Variants in GNS observed in about 807,000 individuals in gnomAD.
GNS encodes the protein glucosamine (N-acetyl)-6-sulfatase, also known as N-acetylglucosamine-6-sulfatase.
A neutral mutation model predicts 69.7 loss-of-function variants in GNS; 40 were observed. That is an observed-to-expected ratio of 0.57 (90% CI 0.45 to 0.75). The LOEUF (loss-of-function observed/expected upper bound fraction) is 0.75. Among genes scored for constraint, GNS ranks in the 30% least tolerant of loss-of-function variants. The pLI, the probability that GNS is intolerant of heterozygous loss-of-function variation, is 0.00. For synonymous variants in GNS, 243 were observed against 251.6 expected (o/e 0.97, Z 0.32); for missense variants, 565 against 685.5 (o/e 0.82, Z 1.96).
chr12:64,738,134 C>T (rs578041476), intron 8 of GNS, among the ~76,000 whole-genome samples: 10 of 152,192 alleles, frequency 6.6e-5, no homozygotes, highest in Admixed American at 1.3e-4. Flanking sequence ...CTCAGCCTCC[C>T]GAGTAGCTGA....
Position 64,734,663 on chromosome 12 carries a change from G to A in GNS, c.1098+2341C>T, listed in dbSNP as rs1442397582. On this transcript the variant is annotated intron_variant, in intron 9 of 13. Coordinates refer to ENST00000258145, the MANE Select transcript of GNS (RefSeq NM_002076.4). Reference sequence around the variant, plus strand: ...CTACATCTGGGCCTTCGCATTTACCGTCCTGCTCAGGACACTCTTCCCACA... The same window carrying A: ...CTACATCTGGGCCTTCGCATTTACCATCCTGCTCAGGACACTCTTCCCACA... Among the ~76,000 whole-genome samples, 6 of 152,234 alleles carry A rather than the reference G, an allele frequency of 3.9e-5. No individual in the cohort carries two copies. In the East Asian group the frequency reaches 5.8e-4, roughly 15 times the overall value.
chr12:64,752,624 T>A (rs574241891), intron 2 of GNS, 74 bp downstream of exon 2: 2 of 797,546 alleles, frequency 2.5e-6, no homozygotes, highest in East Asian at 4.9e-5. Context: ...CATACCAGAT[T>A]CCCGAGAAGA....
rs539378586 is a variant in GNS, at chr12:64,754,766, G to A, written c.193-2009C>T. On this transcript the variant is annotated intron_variant, in intron 1 of 13. Coordinates refer to ENST00000258145, the MANE Select transcript of GNS (RefSeq NM_002076.4). Reference sequence around the variant, plus strand: ...TAGCTGGGCATGGTAGTGCATGCCCGTAGTCCCAGCTACTTAAGAGGCTGA... The same window carrying A: ...TAGCTGGGCATGGTAGTGCATGCCCATAGTCCCAGCTACTTAAGAGGCTGA... Among the ~76,000 whole-genome samples, 11 of 152,094 alleles carry A rather than the reference G, an allele frequency of 7.2e-5. No individual in the cohort carries two copies. The South Asian group carries it at 1.9e-3, about 26-fold the overall frequency.
At chr12:64,745,983 A>G (rs1254783012) in intron 3 of GNS, 1 of 527,238 alleles carries the variant, frequency 1.9e-6, no homozygotes, top group African/African-American at 1.9e-5. Context: ...TAACAATTTT[A>G]AAATATAAAA....
intron 1 of GNS, among the ~76,000 whole-genome samples, chr12:64,755,519 A>G (rs1366294605): frequency 6.7e-6 from 1 of 148,820 alleles, no homozygotes; most frequent in East Asian, 2.1e-4. Context: ...AGGAGGTTGC[A>G]GTGGGCCGAG....
chr12:64,714,883 T>TA lies in GNS; in HGVS notation c.*1857dup, dbSNP rs1868814266. ...ACAACATTTTTTGAATTTCCTTCTC[T>TA]AAAACATTCACAGCAGAGGTGTCCA... is the stretch of plus-strand genomic sequence containing the variant. On this transcript the variant is annotated 3_prime_UTR_variant, in exon 14 of 14. Coordinates refer to ENST00000258145, the MANE Select transcript of GNS (RefSeq NM_002076.4). 1.3e-5 allele frequency: 2 copies of TA among 152,648 alleles called. No homozygotes were observed. Among genetic ancestry groups the TA allele is most frequent in the South Asian group, 4.1e-4 (2 of 4,828 alleles). 9.5% of individuals were successfully genotyped at this position (152,648 alleles called of 1,614,324 possible).
intron 1 of GNS, among the ~76,000 whole-genome samples, chr12:64,753,918 G>C (rs1474829585): frequency 1.3e-5 from 2 of 152,176 alleles, no homozygotes; most frequent in African/African-American, 4.8e-5. Flanking sequence ...CCATCCTCAG[G>C]AAAAGAATAC....
intron 10 of GNS, 103 bp from the exon 11 acceptor site, chr12:64,723,216 G>A: frequency 1.3e-6 from 1 of 753,294 alleles, no homozygotes; most frequent in African/African-American, 1.7e-5. Flanking sequence ...AAAGTAATTG[G>A]ACTGTTCATT....
intron 12 of GNS, among the ~76,000 whole-genome samples, chr12:64,720,835 T>C (rs1234654699): frequency 2.6e-5 from 4 of 152,240 alleles, no homozygotes; most frequent in Non-Finnish European, 5.9e-5. Flanking sequence ...TAATTTTGCC[T>C]ATAATGGCTT....
intron 10 of GNS, among the ~76,000 whole-genome samples, chr12:64,727,771 T>C (rs1331517272): frequency 6.6e-6 from 1 of 152,170 alleles, no homozygotes; most frequent in Non-Finnish European, 1.5e-5. Flanking sequence ...ATTTAATCAA[T>C]TCTCTACTAG....
At chr12:64,729,266 G>C (rs1179151489) in intron 9 of GNS, 6 of 556,630 alleles carry the variant, frequency 1.1e-5, no homozygotes, top group Non-Finnish European at 1.9e-5. Context: ...TTGTATAATA[G>C]TATATCCCCC....
intron 1 of GNS, among the ~76,000 whole-genome samples, chr12:64,755,152 T>C (rs999525199): frequency 6.6e-6 from 1 of 152,162 alleles, no homozygotes; most frequent in Non-Finnish European, 1.5e-5. Flanking sequence ...GCAAACATGT[T>C]ACTCTACTCA....
At chr12:64,758,201 C>A (rs551193090) in intron 1 of GNS, among the ~76,000 whole-genome samples, 1 of 151,516 alleles carries the variant, frequency 6.6e-6, no homozygotes, top group South Asian at 2.1e-4. Context: ...GTCTCTAATG[C>A]AACAGTCAGG....
chr12:64,749,219 G>A (rs1304281707), intron 2 of GNS, among the ~76,000 whole-genome samples: 5 of 146,292 alleles, frequency 3.4e-5, no homozygotes, highest in African/African-American at 1.0e-4. Context: ...GATTACAGGC[G>A]TGAGCCACTG....
At chr12:64,745,596 A>AT in intron 4 of GNS, 63 bp downstream of exon 4, 1 of 933,940 alleles carries the variant, frequency 1.1e-6, no homozygotes, top group Non-Finnish European at 1.8e-6. Context: ...TCAGAGCTAA[A>AT]TTAAACATAT....
At chr12:64,756,392 C>T (rs1051140088) in intron 1 of GNS, among the ~76,000 whole-genome samples, 12 of 152,100 alleles carry the variant, frequency 7.9e-5, no homozygotes, top group Non-Finnish European at 1.6e-4. Flanking sequence ...CTGGCATCCC[C>T]GAATGTCACC....
intron 9 of GNS, among the ~76,000 whole-genome samples, chr12:64,730,539 G>C (rs988028843): frequency 6.6e-6 from 1 of 151,108 alleles, no homozygotes; most frequent in African/African-American, 2.4e-5. Context: ...TCCTGGCCCT[G>C]AATCAATTAG....
intron 2 of GNS, among the ~76,000 whole-genome samples, chr12:64,752,033 C>T (rs1870096210): frequency 6.6e-6 from 1 of 151,320 alleles, no homozygotes; most frequent in Non-Finnish European, 1.5e-5. Context: ...ATTAACTCAA[C>T]CTCACAACAA....
chr12:64,731,714 C>A (rs924042454), intron 9 of GNS, among the ~76,000 whole-genome samples: 1 of 152,174 alleles, frequency 6.6e-6, no homozygotes, highest in African/African-American at 2.4e-5. Flanking sequence ...ATTCACCCAT[C>A]AATGTGATGA....
Sources: gnomAD v4.1 joint callset for allele counts (sites outside exome capture counted in the v4.1 genomes callset) on GRCh38, gnomAD v4.1.1 for gene constraint, MANE v1.5 for transcripts, NCBI Gene and HGNC (gene_info 2026-07-23, HGNC 2026-07-21) for gene names.